The following ARSB variants were observed in gnomAD, a reference collection of about 807,000 sequenced individuals.
The protein encoded by ARSB is arylsulfatase B.
In ARSB, 41 loss-of-function variants were observed where a neutral mutation model predicts 50.9. The ratio of observed to expected loss-of-function variants is 0.81; its 90% CI spans 0.63 to 1.04. The LOEUF (loss-of-function observed/expected upper bound fraction) is 1.04, where lower values mean the gene tolerates loss of function less well. Ranked by LOEUF, ARSB falls within the 50% of genes least tolerant of loss-of-function variation. The pLI is 0.00. For missense variants in ARSB, 672 were observed against 693.3 expected, an observed-to-expected ratio of 0.97 and a Z score of 0.35; for synonymous variants, 269 against 284.8, an observed-to-expected ratio of 0.94 and a Z score of 0.56.
At chr5:78,958,974 A>T (rs928233417) in intron 3 of ARSB, among the ~76,000 whole-genome samples, 1 of 152,014 alleles carries the variant, frequency 6.6e-6, no homozygotes, top group African/African-American at 2.4e-5. Context: ...AAATTCTTTT[A>T]AGCTCCCCTA....
chr5:78,820,219 G>T (rs979260472), intron 6 of ARSB, among the ~76,000 whole-genome samples: 2 of 152,174 alleles, frequency 1.3e-5, no homozygotes, highest in African/African-American at 4.8e-5. Flanking sequence ...CCAGCCTCCA[G>T]AACTGTGAGA....
At chr5:78,856,006 G>C (rs1197671522) in intron 5 of ARSB, among the ~76,000 whole-genome samples, 3 of 152,042 alleles carry the variant, frequency 2.0e-5, no homozygotes, top group Non-Finnish European at 4.4e-5. Context: ...CATTGTTCTG[G>C]CTATCTTTTT....
chr5:78,961,794 G>A (rs1751996433), intron 3 of ARSB, among the ~76,000 whole-genome samples: 1 of 151,914 alleles, frequency 6.6e-6, no homozygotes, highest in East Asian at 1.9e-4. Flanking sequence ...TGAGAGGAAT[G>A]CCCTGAATGA....
chr5:78,911,181 G>A (rs1413002543), intron 4 of ARSB, among the ~76,000 whole-genome samples: 2 of 152,108 alleles, frequency 1.3e-5, no homozygotes, highest in East Asian at 1.9e-4. Context: ...TAAAAGGACT[G>A]TAGCTACTTT....
At chr5:78,904,722 C>T (rs1748966664) in intron 4 of ARSB, among the ~76,000 whole-genome samples, 1 of 130,974 alleles carries the variant, frequency 7.6e-6, no homozygotes, top group African/African-American at 2.9e-5. Flanking sequence ...GGGTCTCACT[C>T]TGTTGCCCAG....
intron 4 of ARSB, among the ~76,000 whole-genome samples, chr5:78,922,757 T>C (rs1485467230): frequency 6.6e-6 from 1 of 151,826 alleles, no homozygotes; most frequent in African/African-American, 2.4e-5. Flanking sequence ...ACTCTTGATA[T>C]CCCTGATTCC....
intron 6 of ARSB, among the ~76,000 whole-genome samples, chr5:78,796,140 A>G (rs1231634028): frequency 6.6e-6 from 1 of 152,200 alleles, no homozygotes; most frequent in African/African-American, 2.4e-5. Context: ...CTATACCTGA[A>G]ATAGGTTGAC....
rs1413532300 is a variant in ARSB at position 78,873,518 on chromosome 5, C to T, written c.1142+12066G>A. ...CTGTAATTTTTTTTTTTTTTTGAGA[C>T]GGAGTCTCGCTCTGTCGCCCAGGCT... On this transcript the variant is annotated intron_variant, in intron 5 of 7. Transcript: ENST00000264914. Among the ~76,000 whole-genome samples, 10 of 2,106 alleles carry T rather than the reference C, an allele frequency of 4.7e-3. No individual in the cohort carries two copies. The South Asian group carries it at 0.06, about 13-fold the overall frequency. 1.4% of individuals were successfully genotyped at this position (2,106 alleles called of 152,430 possible). A position where few individuals can be genotyped will look rare whatever the true frequency, so the allele number is the denominator to read the frequency against.
At chr5:78,863,838 T>C (rs1746573453) in intron 5 of ARSB, among the ~76,000 whole-genome samples, 1 of 152,126 alleles carries the variant, frequency 6.6e-6, no homozygotes, top group Non-Finnish European at 1.5e-5. Context: ...CTTTATTTCA[T>C]AAACCATATC....
At chr5:78,985,394 CGGCCCCCGCCGCCTCCGACCCG>C (rs1753143934), upstream of ARSB, 3 of 749,850 alleles carry the variant, frequency 4.0e-6, no homozygotes, top group Non-Finnish European at 5.3e-6. Flanking sequence ...GCCGGGCGCT[CGGCCCCCGCCGCCTCCGACCCG>C]GGCCCCCGGC....
chr5:78,913,930 C>T lies in ARSB; in HGVS notation c.899-28103G>A, dbSNP rs188172383. The stretch of plus-strand genomic sequence containing the variant: ...CCTTAGGAGTAGAATAATAATAATT[C>T]ACATTTTCCTCTTTATACCTTTCAA... On this transcript the variant is annotated intron_variant, in intron 4 of 7. Coordinates refer to ENST00000264914, the MANE Select transcript of ARSB (RefSeq NM_000046.5). Among the ~76,000 whole-genome samples the T allele has an allele frequency of 6.2e-3, 938 of 150,944 alleles. 4 individuals carry two copies. The highest frequency in any genetic ancestry group is 1.0e-2 in the Non-Finnish European group (675 of 67,770).
chr5:78,910,093 T>C (rs1224571353), intron 4 of ARSB, among the ~76,000 whole-genome samples: 1 of 152,228 alleles, frequency 6.6e-6, no homozygotes, highest in South Asian at 2.1e-4. Flanking sequence ...CACAGATTCC[T>C]TTGCTCACAT....
intron 6 of ARSB, among the ~76,000 whole-genome samples, chr5:78,802,017 A>T (rs886748695): frequency 7.9e-5 from 12 of 152,072 alleles, no homozygotes; most frequent in African/African-American, 2.7e-4. Flanking sequence ...CACTGCTCTC[A>T]CTGTGTATGT....
intron 6 of ARSB, among the ~76,000 whole-genome samples, chr5:78,819,607 T>G (rs1441325953): frequency 6.6e-6 from 1 of 152,234 alleles, no homozygotes; most frequent in Non-Finnish European, 1.5e-5. Flanking sequence ...TAGGTGATGC[T>G]TCCCTTTGGG....
At chr5:78,935,450 C>A (rs1580084792) in intron 4 of ARSB, among the ~76,000 whole-genome samples, 1 of 152,194 alleles carries the variant, frequency 6.6e-6, no homozygotes, top group East Asian at 1.9e-4. Flanking sequence ...CATAGTCAGC[C>A]TCATTCCCTA....
chr5:78,868,733 A>G (rs1306927405), intron 5 of ARSB, among the ~76,000 whole-genome samples: 10 of 142,970 alleles, frequency 7.0e-5, no homozygotes, highest in South Asian at 2.5e-4. Context: ...GACCATCGAG[A>G]CTAGGAAGAA....
chr5:78,928,465 C>T (rs1291230161), intron 4 of ARSB, among the ~76,000 whole-genome samples: 5 of 151,974 alleles, frequency 3.3e-5, no homozygotes, highest in African/African-American at 1.2e-4. Context: ...CAGGGGCATA[C>T]CACCACATCT....
At chr5:78,831,244 G>T (rs1312800490) in intron 6 of ARSB, among the ~76,000 whole-genome samples, 1 of 152,042 alleles carries the variant, frequency 6.6e-6, no homozygotes, top group African/African-American at 2.4e-5. Context: ...ATAAGTCAGA[G>T]CTGGTATTGA....
chr5:78,857,713 C>G (rs1349001379), intron 5 of ARSB, among the ~76,000 whole-genome samples: 1 of 152,154 alleles, frequency 6.6e-6, no homozygotes, highest in Non-Finnish European at 1.5e-5. Context: ...ATATTATTGG[C>G]TATGGCAGTA....
Sources: allele counts gnomAD v4.1 joint callset (sites outside exome capture counted in the v4.1 genomes callset), GRCh38; gene constraint gnomAD v4.1.1; transcripts MANE v1.5; gene names NCBI Gene and HGNC (gene_info 2026-07-23, HGNC 2026-07-21).